Variants in IQUB observed in about 807,000 individuals in gnomAD.
The protein encoded by IQUB is IQ motif and ubiquitin domain containing.
Under a neutral mutation model 86.4 loss-of-function variants are expected in IQUB, and 86 were observed. That is an observed-to-expected ratio of 1.00 (90% CI 0.84 to 1.19). The LOEUF (loss-of-function observed/expected upper bound fraction) is 1.19. IQUB is among the 50% of genes most tolerant of loss of function. The pLI, the probability that IQUB is intolerant of heterozygous loss-of-function variation, is 0.00. For missense variants in IQUB, 946 were observed against 916.9 expected (o/e 1.03, Z -0.41); for synonymous variants, 289 against 304.5 (o/e 0.95, Z 0.53).
rs1302446327 is a variant in IQUB at position 123,496,686 on chromosome 7, T to C, written c.1234+10A>G. The C allele has an allele frequency of 4.6e-6, 7 of 1,528,312 alleles. No individual in the cohort carries two copies. The African/African-American group carries it at 5.6e-5, about 12-fold the overall frequency. 94.7% of individuals were successfully genotyped at this position (1,528,312 alleles called of 1,614,324 possible). ...AAAAATATTTTTTGCAAAGCCTGTG[T>C]CCAACTTACATTCTAATGCATTATA... is the stretch of plus-strand genomic sequence containing the variant. On this transcript the variant is annotated intron_variant, in intron 7 of 12. Transcript: ENST00000324698.
At chr7:123,508,850 T>A (rs771644655) in intron 3 of IQUB, among the ~76,000 whole-genome samples, 1 of 152,202 alleles carries the variant, frequency 6.6e-6, no homozygotes. Flanking sequence ...AATTCCTACA[T>A]CAAAAGGCTG....
chr7:123,533,280 C>T (rs1797627742), intron 1 of IQUB, among the ~76,000 whole-genome samples: 1 of 152,110 alleles, frequency 6.6e-6, no homozygotes, highest in Non-Finnish European at 1.5e-5. Context: ...AAAATGAGTT[C>T]CCAGAATTAG....
intron 9 of IQUB, among the ~76,000 whole-genome samples, chr7:123,468,956 T>C (rs1463159429): frequency 6.6e-6 from 1 of 152,230 alleles, no homozygotes; most frequent in Non-Finnish European, 1.5e-5. Flanking sequence ...AATTGCTGTT[T>C]ATGTAATTAC....
intron 1 of IQUB, among the ~76,000 whole-genome samples, chr7:123,527,916 C>A (rs896297154): frequency 1.3e-5 from 2 of 152,218 alleles, no homozygotes. Flanking sequence ...CCCCCAGCCT[C>A]GCTGCCGCCT....
chr7:123,487,569 G>C (rs1013560005), intron 7 of IQUB, among the ~76,000 whole-genome samples: 6 of 152,208 alleles, frequency 3.9e-5, no homozygotes, highest in Non-Finnish European at 8.8e-5. Flanking sequence ...GTTCTTAATA[G>C]AGGATATTAT....
chr7:123,534,011 C>G (rs910706057), intron 1 of IQUB, among the ~76,000 whole-genome samples: 1 of 152,136 alleles, frequency 6.6e-6, no homozygotes, highest in South Asian at 2.1e-4. Flanking sequence ...TCCAGTATTG[C>G]CTTCTACCAA....
In IQUB at chr7:123,520,074, G is replaced by T. The variant is rs898038981; in HGVS notation, c.-4-7730C>A. Among the ~76,000 whole-genome samples, 3 of 132,082 alleles carry T rather than the reference G, an allele frequency of 2.3e-5. No homozygotes were observed. The East Asian group carries it at 6.6e-4, about 29-fold the overall frequency. 86.7% of individuals were successfully genotyped at this position (132,082 alleles called of 152,430 possible). On this transcript the variant is annotated intron_variant, in intron 1 of 12. Transcript: ENST00000324698. ...GTTTCTACACACAGCCATGGACAAG[G>T]CTTTTCAAAAATTTTTAAATTTTTG...
At chr7:123,533,447 C>T (rs1797634909) in intron 1 of IQUB, among the ~76,000 whole-genome samples, 1 of 151,954 alleles carries the variant, frequency 6.6e-6, no homozygotes, top group African/African-American at 2.4e-5. Context: ...TGTGTGTTGC[C>T]CTTATATTTC....
chr7:123,456,551 T>G (rs1793704948), intron 12 of IQUB: 1 of 152,006 alleles, frequency 6.6e-6, no homozygotes. Context: ...CTTGTTCCAC[T>G]GAAAAAAAAC....
Position 123,530,672 on chromosome 7 carries a change from A to ATTT in IQUB, c.-5+3817_-5+3819dup, listed in dbSNP as rs377272603. Among the ~76,000 whole-genome samples, 505 of 99,398 alleles carry ATTT rather than the reference A, an allele frequency of 5.1e-3. 9 individuals are homozygous for ATTT. The highest frequency in any genetic ancestry group is 9.9e-3 in the African/African-American group (237 of 23,890). 65.2% of individuals were successfully genotyped at this position (99,398 alleles called of 152,430 possible). ...AAACTTTTTACCTTTTTGCTCTTTG[A>ATTT]TTTTTTTTTTTTTTTTTTTTTGAGA... is the stretch of plus-strand genomic sequence containing the variant. On this transcript the variant is annotated intron_variant, in intron 1 of 12. Coordinates refer to ENST00000324698, the MANE Select transcript of IQUB (RefSeq NM_178827.5).
chr7:123,457,690 T>A, intron 11 of IQUB, 124 bp from the exon 12 acceptor site: 1 of 726,466 alleles, frequency 1.4e-6, no homozygotes, highest in East Asian at 2.9e-5. Context: ...TAGGTTTCAA[T>A]GACACATAGC....
intron 1 of IQUB, chr7:123,532,481 C>T (rs1469621468): frequency 6.6e-6 from 1 of 152,156 alleles, no homozygotes. Context: ...TAGTTATCTC[C>T]ATCCATCCTC....
intron 8 of IQUB, among the ~76,000 whole-genome samples, chr7:123,473,906 C>G (rs1390828220): frequency 6.6e-6 from 1 of 152,042 alleles, no homozygotes; most frequent in African/African-American, 2.4e-5. Context: ...ATTTGATACT[C>G]TGTGGAAGTC....
In IQUB at chr7:123,468,936, T is replaced by C. The variant is rs550074122; in HGVS notation, c.1581+278A>G. On this transcript the variant is annotated intron_variant, in intron 9 of 12. Coordinates refer to ENST00000324698, the MANE Select transcript of IQUB (RefSeq NM_178827.5). ...TTTTTCACTGAAAAATGTCAAAATATGTAGATTATAATTGCTGTTTATGTA... is the reference window on the plus strand; with the variant it reads ...TTTTTCACTGAAAAATGTCAAAATACGTAGATTATAATTGCTGTTTATGTA... Among the ~76,000 whole-genome samples the C allele has an allele frequency of 2.0e-5, 3 of 152,318 alleles. No homozygotes were observed. The East Asian group carries it at 5.8e-4, about 29-fold the overall frequency.
chr7:123,486,079 G>T (rs2117107946), intron 7 of IQUB, among the ~76,000 whole-genome samples: 1 of 152,222 alleles, frequency 6.6e-6, no homozygotes, highest in Admixed American at 6.5e-5. Context: ...GGTATAAGGA[G>T]TCCATCTCCT....
intron 8 of IQUB, among the ~76,000 whole-genome samples, chr7:123,479,038 G>T (rs1292717663): frequency 6.6e-6 from 1 of 151,668 alleles, no homozygotes; most frequent in Non-Finnish European, 1.5e-5. Context: ...ATGAGAGGAG[G>T]GCATTTAGAA....
chr7:123,461,866 T>C (rs1489997512), intron 10 of IQUB, among the ~76,000 whole-genome samples: 2 of 151,808 alleles, frequency 1.3e-5, no homozygotes, highest in African/African-American at 4.8e-5. Context: ...TGTGGTAAAA[T>C]CACTTATAAA....
intron 7 of IQUB, among the ~76,000 whole-genome samples, chr7:123,480,456 T>G (rs1050854047): frequency 2.6e-5 from 4 of 152,122 alleles, no homozygotes; most frequent in African/African-American, 9.7e-5. Context: ...TGACTATATG[T>G]GCCCAACAGT....
intron 3 of IQUB, among the ~76,000 whole-genome samples, chr7:123,505,520 C>T (rs536394889): frequency 2.6e-5 from 4 of 152,220 alleles, no homozygotes; most frequent in African/African-American, 7.2e-5. Context: ...TGTGCACCCA[C>T]ACGCTTAATA....
Sources: allele counts gnomAD v4.1 joint callset (sites outside exome capture counted in the v4.1 genomes callset), GRCh38; gene constraint gnomAD v4.1.1; transcripts MANE v1.5; gene names NCBI Gene and HGNC (gene_info 2026-07-23, HGNC 2026-07-21).